CUL2: variants seen among roughly 807,000 people sequenced by gnomAD.
CUL2 encodes cullin 2, also known as cullin-2.
In CUL2, 22 loss-of-function variants were observed where a neutral mutation model predicts 110.2. That is an observed-to-expected ratio of 0.20 (90% CI 0.14 to 0.28). CUL2 has a LOEUF of 0.28. CUL2 is among the 10% of genes least tolerant of loss of function. The probability of loss-of-function intolerance (pLI) is 1.00; values close to 1 mark genes in which losing one functional copy is unlikely to be tolerated. For synonymous variants in CUL2, 279 were observed against 293.2 expected (o/e 0.95, Z 0.49); for missense variants, 631 against 905.5 (o/e 0.70, Z 3.89).
At chr10:35,108,865 T>G (rs993939806) in intron 1 of CUL2, among the ~76,000 whole-genome samples, 5 of 152,188 alleles carry the variant, frequency 3.3e-5, no homozygotes, top group African/African-American at 1.2e-4. Flanking sequence ...TCCTCATAAA[T>G]TGTTAGCTGT....
chr10:35,071,227 C>T lies in CUL2; in HGVS notation c.91G>A (p.Glu31Lys), dbSNP rs144926221. The change falls in exon 2 of 21, where the codon GAA (glutamate) becomes AAA (lysine). Residue 31 changes from glutamate (E) to lysine (K), a missense_variant. This residue lies in a region of CUL2 where 338 missense variants were observed against 442.5 expected (regional missense o/e 0.76). Coordinates refer to ENST00000374749, the MANE Select transcript of CUL2 (RefSeq NM_003591.4). ...AAACGGTCATTCCATGTTGCTCTTT[C>T]GACGTATTCCAACATGACCACGGCT... ...IKAVVMLEYV[E>K]RATWNDRFSD... 5.0e-6 allele frequency: 8 copies of T among 1,614,044 alleles called. No homozygotes were observed. Among genetic ancestry groups the T allele is most frequent in the South Asian group, 3.3e-5 (3 of 91,072 alleles).
rs560214941 is a variant in CUL2, at chr10:35,038,005, T to G, written c.877+915A>C. ...CCGTCTCTACTAAAAATACAAAAAT[T>G]AGCTGGATGTGATGGCACACACCTG... On this transcript the variant is annotated intron_variant, in intron 9 of 20. Transcript: ENST00000374749. Among the ~76,000 whole-genome samples, 378 of 151,570 alleles carry G rather than the reference T, an allele frequency of 2.5e-3. 3 individuals carry two copies. The highest frequency in any genetic ancestry group is 8.9e-3 in the African/African-American group (366 of 41,296).
chr10:35,091,732 T>C (rs1204768546), upstream of CUL2, among the ~76,000 whole-genome samples: 2 of 152,094 alleles, frequency 1.3e-5, no homozygotes, highest in Admixed American at 1.3e-4. Context: ...GTGATTCTCC[T>C]GTCTCAGCTT....
At chr10:35,123,851 T>C (rs1185477324) in intron 1 of CUL2, among the ~76,000 whole-genome samples, 2 of 152,374 alleles carry the variant, frequency 1.3e-5, no homozygotes, top group East Asian at 1.9e-4. Context: ...GCTTTGGGTA[T>C]AAATTTTAGA....
chr10:35,021,489 CTA>C (rs1439877116), intron 17 of CUL2, among the ~76,000 whole-genome samples: 1 of 151,016 alleles, frequency 6.6e-6, no homozygotes. Context: ...AGTGATAAAA[CTA>C]TATAGATGAT....
chr10:35,032,489 A>T lies in CUL2; in HGVS notation c.1116T>A (p.Leu372=), dbSNP rs150090300. The T allele has an allele frequency of 1.2e-4, 185 of 1,589,216 alleles. No individual in the cohort carries two copies. The highest frequency in any genetic ancestry group is 1.5e-4 in the Non-Finnish European group (175 of 1,172,298). ...QHFMSALDKA[L]TSVVNYREPK... ...GTTCTCTGTAATTTACAACTGACGTAAGGGCCTGAATAAAAAAACACGCCA... is the reference window on the plus strand; with the variant it reads ...GTTCTCTGTAATTTACAACTGACGTTAGGGCCTGAATAAAAAAACACGCCA... The change falls in exon 12 of 21, where the codon CTT becomes CTA. Residue 372 remains leucine, a synonymous_variant. Transcript: ENST00000374749.
intron 9 of CUL2, among the ~76,000 whole-genome samples, chr10:35,036,995 C>T (rs532198134): frequency 6.6e-6 from 1 of 152,236 alleles, no homozygotes; most frequent in South Asian, 2.1e-4. Context: ...TCTTAATGGC[C>T]TTTTAATAAT....
intron 9 of CUL2, among the ~76,000 whole-genome samples, chr10:35,036,818 C>T (rs1311840390): frequency 6.6e-6 from 1 of 152,014 alleles, no homozygotes; most frequent in Non-Finnish European, 1.5e-5. Flanking sequence ...ACTGCAACCA[C>T]CACCTCCCAG....
At chr10:35,018,288 CAAAAAAAAAAAAAAAA>C (rs11357517) in intron 17 of CUL2, among the ~76,000 whole-genome samples, 1 of 75,242 alleles carries the variant, frequency 1.3e-5, no homozygotes, top group Non-Finnish European at 2.3e-5. Context: ...CTCCATCTCA[CAAAAAAAAAAAAAAAA>C]AAAAAAAAAA....
chr10:35,057,582 G>A (rs1248979509), intron 4 of CUL2, among the ~76,000 whole-genome samples: 1 of 151,442 alleles, frequency 6.6e-6, no homozygotes, highest in Non-Finnish European at 1.5e-5. Context: ...GAACCCAGGA[G>A]GCGGAGGTTG....
At chr10:35,037,417 T>C (rs1417687520) in intron 9 of CUL2, among the ~76,000 whole-genome samples, 2 of 152,242 alleles carry the variant, frequency 1.3e-5, no homozygotes, top group African/African-American at 2.4e-5. Context: ...TCTTAATTAC[T>C]ATAGGTTTTA....
At chr10:35,114,634 G>A (rs1019453722) in intron 1 of CUL2, among the ~76,000 whole-genome samples, 11 of 151,974 alleles carry the variant, frequency 7.2e-5, no homozygotes, top group Non-Finnish European at 4.4e-5. Flanking sequence ...GTCCGCCTCG[G>A]CCTCCCAAAG....
rs1199016049 is a variant in CUL2, at chr10:35,044,599, T to C, written c.681A>G (p.Leu227=). ...EYYKQEASNL[L]QESNCSQYME... is the part of the protein sequence containing the mutation. ...TATACTGTGAGCAGTTTGATTCTTG[T>C]AATAAATTTGAAGCTTCTTGTTTGT... The change falls in exon 8 of 21, where the codon TTA becomes TTG. Residue 227 remains leucine (L), a synonymous_variant. Coordinates refer to ENST00000374749, the MANE Select transcript of CUL2 (RefSeq NM_003591.4). 5 of 1,609,296 alleles carry C rather than the reference T, an allele frequency of 3.1e-6. No homozygotes were observed. The highest frequency in any genetic ancestry group is 1.1e-5 in the South Asian group (1 of 90,324).
chr10:35,070,797 G>C (rs766590778), intron 2 of CUL2, among the ~76,000 whole-genome samples: 2 of 152,072 alleles, frequency 1.3e-5, no homozygotes, highest in African/African-American at 2.4e-5. Flanking sequence ...CATTCTAAAA[G>C]AGCAGCACCC....
intron 9 of CUL2, among the ~76,000 whole-genome samples, chr10:35,035,691 C>T (rs7079205): frequency 0.33 from 49,989 of 152,012 alleles, 8,289 homozygotes; most frequent in South Asian, 0.34. Context: ...TTCTTAACAA[C>T]TGATGGAAAT....
In CUL2 at chr10:35,031,455, C is replaced by T. The variant is rs3740083; in HGVS notation, c.1299+36G>A. On this transcript the variant is annotated intron_variant, in intron 13 of 20. Transcript: ENST00000374749. This position sits in a 1 kb window ranked among gnomAD's most constrained non-coding sequence, Gnocchi z 4.4. Reference sequence around the variant, plus strand: ...TTTAGCATTCAGAAATAAAGTTGACCAAAATACAAATGAAACTTTTCTGTT... The same window carrying T: ...TTTAGCATTCAGAAATAAAGTTGACTAAAATACAAATGAAACTTTTCTGTT... The T allele has an allele frequency of 0.34, 549,176 of 1,598,970 alleles. 95,018 individuals are homozygous for T. The highest frequency in any genetic ancestry group is 0.35 in the Non-Finnish European group (405,990 of 1,170,528).
intron 8 of CUL2, among the ~76,000 whole-genome samples, chr10:35,040,910 C>T (rs2085769392): frequency 2.0e-5 from 3 of 152,166 alleles, no homozygotes; most frequent in African/African-American, 2.4e-5. Context: ...TGACAGGAGG[C>T]GGAGCTCAGG....
chr10:35,034,842 T>C (rs1379293678), intron 10 of CUL2, among the ~76,000 whole-genome samples: 1 of 152,338 alleles, frequency 6.6e-6, no homozygotes, highest in Non-Finnish European at 1.5e-5. Flanking sequence ...TTAATACTAC[T>C]ACCATGACAA....
At chr10:35,063,347 G>C (rs2086432859) in intron 2 of CUL2, among the ~76,000 whole-genome samples, 2 of 152,002 alleles carry the variant, frequency 1.3e-5, no homozygotes, top group Non-Finnish European at 1.5e-5. Context: ...GGGAGTTTCT[G>C]GAAAATCAAA....
Sources: allele counts gnomAD v4.1 joint callset (sites outside exome capture counted in the v4.1 genomes callset), GRCh38; gene constraint gnomAD v4.1.1; regional missense constraint gnomAD v4.1.1; non-coding constraint Gnocchi (gnomAD v3.1); transcripts MANE v1.5; gene names NCBI Gene and HGNC (gene_info 2026-07-23, HGNC 2026-07-21).